Variants in KCNJ15 observed in about 807,000 individuals in gnomAD.
KCNJ15 encodes the protein ATP-sensitive inward rectifier potassium channel 15.
KCNJ15 carries 14 observed loss-of-function variants against 23.0 expected under a neutral mutation model. That is an observed-to-expected ratio of 0.61 (90% CI 0.40 to 0.95). The LOEUF (loss-of-function observed/expected upper bound fraction) is 0.95. KCNJ15 is among the 40% of genes least tolerant of loss of function. The probability of loss-of-function intolerance (pLI) is 0.00; values close to 1 mark genes in which losing one functional copy is unlikely to be tolerated. For synonymous variants in KCNJ15, 185 were observed against 183.2 expected, an observed-to-expected ratio of 1.01 and a Z score of -0.08; for missense variants, 388 against 461.8, an observed-to-expected ratio of 0.84 and a Z score of 1.46.
Position 38,299,492 on chromosome 21 carries a change from C to T in KCNJ15, c.231C>T (p.Thr77=). 1 of 1,614,178 alleles carries T rather than the reference C, an allele frequency of 6.2e-7. No homozygotes were observed. Residue 77 remains threonine, a synonymous_variant, in exon 3 of 3, where the codon ACC becomes ACT. Coordinates refer to ENST00000398938, the MANE Select transcript of KCNJ15 (RefSeq NM_170736.3). This position sits in a 1 kb window ranked among gnomAD's most constrained non-coding sequence, Gnocchi z 4.5. The stretch of plus-strand genomic sequence containing the variant: ...TGTTCGCTGCCACTTTTGTGATGAC[C>T]TGGTTCCTTTTTGGAGTCATCTACT... ...LTLFAATFVM[T]WFLFGVIYYA...
Position 38,299,546 on chromosome 21 carries a change from A to G in KCNJ15, c.285A>G (p.Leu95=). ...CCATCGCGTTTATTCATGGGGACTTAGAACCCGGTGAGCCCATTTCAAATC... is the reference window on the plus strand; with the variant it reads ...CCATCGCGTTTATTCATGGGGACTTGGAACCCGGTGAGCCCATTTCAAATC... The part of the protein sequence containing the change: ...YYAIAFIHGD[L]EPGEPISNHT... The change falls in exon 3 of 3, where the codon TTA becomes TTG. Residue 95 remains leucine, a synonymous_variant. Transcript: ENST00000398938. This position sits in a 1 kb window ranked among gnomAD's most constrained non-coding sequence, Gnocchi z 4.5. 1.2e-6 allele frequency: 2 copies of G among 1,614,152 alleles called. No homozygotes were observed. The highest frequency in any genetic ancestry group is 1.7e-6 in the Non-Finnish European group (2 of 1,180,022).
At chr21:38,245,386 G>A (rs1213339412) in intron 1 of KCNJ15, among the ~76,000 whole-genome samples, 1 of 151,606 alleles carries the variant, frequency 6.6e-6, no homozygotes, top group African/African-American at 2.4e-5. Context: ...CTAATATGTG[G>A]TCAGGGTTGA....
chr21:38,244,533 T>C (rs1204829102), intron 1 of KCNJ15, among the ~76,000 whole-genome samples: 2 of 152,204 alleles, frequency 1.3e-5, no homozygotes, highest in Non-Finnish European at 2.9e-5. Context: ...ATCCAGGCAG[T>C]GCCCTTATCT....
intron 1 of KCNJ15, among the ~76,000 whole-genome samples, chr21:38,295,094 C>T (rs1394357116): frequency 1.3e-5 from 2 of 152,188 alleles, no homozygotes; most frequent in Non-Finnish European, 2.9e-5. Context: ...TACTCACTGG[C>T]AGCACTTGAG....
At chr21:38,238,552 T>C in intron 1 of KCNJ15, 1 of 636,152 alleles carries the variant, frequency 1.6e-6, no homozygotes, top group Non-Finnish European at 3.0e-6. Flanking sequence ...ATGGTGCATG[T>C]GCTGGGAGAA....
intron 1 of KCNJ15, among the ~76,000 whole-genome samples, chr21:38,258,251 A>C (rs960836981): frequency 6.6e-6 from 1 of 152,224 alleles, no homozygotes; most frequent in Admixed American, 6.5e-5. Flanking sequence ...TTAGGTGACA[A>C]ATTCTCTCCT....
rs570417655 is a variant in KCNJ15 at position 38,302,557 on chromosome 21, G to T, written c.*2168G>T. 6.6e-6 allele frequency: 1 copy of T among 151,844 alleles called. No individual in the cohort carries two copies. The highest frequency in any genetic ancestry group is 2.1e-4 in the South Asian group (1 of 4,812). 9.4% of individuals were successfully genotyped at this position (151,844 alleles called of 1,614,324 possible). On this transcript the variant is annotated 3_prime_UTR_variant, in exon 3 of 3. Transcript: ENST00000398938. ...TCCATTCCTTAAAAAAATATTACAT[G>T]TCAGTGTAGTTAGATATTATCTCTT...
At chr21:38,275,625 C>A (rs574450348) in intron 1 of KCNJ15, among the ~76,000 whole-genome samples, 2 of 151,872 alleles carry the variant, frequency 1.3e-5, no homozygotes, top group South Asian at 4.2e-4. Flanking sequence ...TTACTCACAT[C>A]CCTGTGCCCC....
Position 38,304,204 on chromosome 21 carries a change from C to A in KCNJ15, c.*3815C>A, listed in dbSNP as rs940364906. The A allele has an allele frequency of 6.6e-6, 1 of 150,678 alleles. No individual in the cohort carries two copies. Among genetic ancestry groups the A allele is most frequent in the Non-Finnish European group, 1.5e-5 (1 of 67,670 alleles). 9.3% of individuals were successfully genotyped at this position (150,678 alleles called of 1,614,324 possible). A position where few individuals can be genotyped will look rare whatever the true frequency, so the allele number is the denominator to read the frequency against. On this transcript the variant is annotated 3_prime_UTR_variant, in exon 3 of 3. Transcript: ENST00000398938. ...CATGTTGGTGTGCTGCACCCATTAACTCGTCATTTAGCATTAGGTATATCT... is the reference window on the plus strand; with the variant it reads ...CATGTTGGTGTGCTGCACCCATTAAATCGTCATTTAGCATTAGGTATATCT...
chr21:38,237,569 G>C (rs938234651), intron 1 of KCNJ15, among the ~76,000 whole-genome samples: 6 of 152,210 alleles, frequency 3.9e-5, no homozygotes, highest in African/African-American at 1.4e-4. Flanking sequence ...GGCCACAATG[G>C]AGGGCTGTTA....
intron 1 of KCNJ15, among the ~76,000 whole-genome samples, chr21:38,281,224 C>G (rs1983304797): frequency 6.6e-6 from 1 of 152,146 alleles, no homozygotes; most frequent in East Asian, 1.9e-4. Flanking sequence ...TAGGGACATA[C>G]ATGCACAATA....
At chr21:38,243,790 A>T (rs1373861556) in intron 1 of KCNJ15, among the ~76,000 whole-genome samples, 1 of 152,244 alleles carries the variant, frequency 6.6e-6, no homozygotes, top group African/African-American at 2.4e-5. Context: ...CAATTTGTGA[A>T]CAAATGGGCA....
At chr21:38,235,807 T>G (rs925609373) in intron 1 of KCNJ15, among the ~76,000 whole-genome samples, 3 of 152,330 alleles carry the variant, frequency 2.0e-5, no homozygotes, top group African/African-American at 4.8e-5. Flanking sequence ...TTAAAGTTAC[T>G]TATAAAATAC....
chr21:38,253,760 C>A (rs1979996653), upstream of KCNJ15, among the ~76,000 whole-genome samples: 1 of 151,984 alleles, frequency 6.6e-6, no homozygotes, highest in Admixed American at 6.6e-5. Flanking sequence ...CTTGTGAACT[C>A]TTCTGCCCAG....
Position 38,238,577 on chromosome 21 carries a change from A to G in KCNJ15, c.-398-18469A>G, listed in dbSNP as rs1853121664. The stretch of plus-strand genomic sequence containing the variant: ...TGCTGGGAGAAGGCAGTCACTAGGC[A>G]CACACACTTGTCCATCCAGTCCTTG... On this transcript the variant is annotated intron_variant, in intron 1 of 4. Coordinates refer to the KCNJ15 transcript ENST00000547341. 1.3e-5 allele frequency: 8 copies of G among 625,684 alleles called. No homozygotes were observed. The Middle Eastern group carries it at 8.0e-4, about 62-fold the overall frequency. 38.8% of individuals were successfully genotyped at this position (625,684 alleles called of 1,614,324 possible).
intron 1 of KCNJ15, among the ~76,000 whole-genome samples, chr21:38,265,628 G>A (rs1981377449): frequency 6.6e-6 from 1 of 152,200 alleles, no homozygotes; most frequent in African/African-American, 2.4e-5. Context: ...TACTCTGCAG[G>A]AGGCTGGGTG....
At chr21:38,283,187 G>A (rs1429048962) in intron 1 of KCNJ15, among the ~76,000 whole-genome samples, 3 of 152,196 alleles carry the variant, frequency 2.0e-5, no homozygotes, top group Non-Finnish European at 4.4e-5. Flanking sequence ...CCACAACACT[G>A]TGTGGAAAGT....
upstream of KCNJ15, among the ~76,000 whole-genome samples, chr21:38,254,235 G>A (rs187864831): frequency 1.5e-3 from 231 of 152,218 alleles, 1 homozygote; most frequent in Non-Finnish European, 2.9e-3. Flanking sequence ...TCACATAGAC[G>A]CGCATTTTAG....
chr21:38,245,952 T>C (rs1291718479), intron 1 of KCNJ15, among the ~76,000 whole-genome samples: 1 of 152,200 alleles, frequency 6.6e-6, no homozygotes, highest in Non-Finnish European at 1.5e-5. Context: ...AAGATTTGAA[T>C]TTCTGCTTCT....
Sources: gnomAD v4.1 joint callset for allele counts (sites outside exome capture counted in the v4.1 genomes callset) on GRCh38, gnomAD v4.1.1 for gene constraint, Gnocchi (gnomAD v3.1) non-coding constraint, MANE v1.5 for transcripts, NCBI Gene and HGNC (gene_info 2026-07-23, HGNC 2026-07-21) for gene names.